MAP2: variants seen among roughly 807,000 people sequenced by gnomAD.
The protein encoded by MAP2 is microtubule associated protein 2.
Under a neutral mutation model 137.6 loss-of-function variants are expected in MAP2, and 14 were observed. The ratio of observed to expected loss-of-function variants is 0.10; its 90% confidence interval spans 0.07 to 0.16. The LOEUF (loss-of-function observed/expected upper bound fraction) is 0.16. Among genes scored for constraint, MAP2 ranks in the 10% least tolerant of loss-of-function variants. MAP2 has a pLI of 1.00. For missense variants in MAP2, 2,088 were observed against 2,191.5 expected (o/e 0.95, Z 0.94); for synonymous variants, 786 against 782.3 (o/e 1.00, Z -0.08).
chr2:209,470,392 T>A (rs1235067141), intron 1 of MAP2, among the ~76,000 whole-genome samples: 1 of 151,906 alleles, frequency 6.6e-6, no homozygotes, highest in African/African-American at 2.4e-5. Flanking sequence ...TATACTGTAA[T>A]TACGCATACA....
At position 209,696,144 on chromosome 2, in the gene MAP2, C is replaced by T; in HGVS notation, c.3974C>T (p.Pro1325Leu). The T allele has an allele frequency of 2.5e-6, 4 of 1,612,964 alleles. No individual in the cohort carries two copies. The East Asian group carries it at 6.7e-5, about 27-fold the overall frequency. ...CCTGAGGTGGAAAGGAGACCATCTC[C>T]TCATGATGAAGAAGAGTTTGAAGTA... ...EQPEVERRPS[P>L]HDEEEFEVEE... is the part of the protein sequence containing the mutation. The change falls in exon 8 of 16, where the codon CCT becomes CTT. Residue 1325 changes from proline to leucine, a missense_variant. Pro to Leu is a moderately conservative substitution (Grantham distance 98). Coordinates refer to ENST00000682079, the MANE Select transcript of MAP2 (RefSeq NM_001375505.1).
chr2:209,546,211 A>G (rs958207690), intron 2 of MAP2, among the ~76,000 whole-genome samples: 5 of 152,218 alleles, frequency 3.3e-5, no homozygotes, highest in Admixed American at 6.5e-5. Context: ...ATGGTCACAT[A>G]TATTTTAAAT....
intron 1 of MAP2, among the ~76,000 whole-genome samples, chr2:209,485,336 T>C (rs571827743): frequency 6.6e-6 from 1 of 152,340 alleles, no homozygotes; most frequent in East Asian, 1.9e-4. Flanking sequence ...CAAGAAGAGT[T>C]AATCAATTCA....
At chr2:209,644,304 T>C (rs1248656534) in intron 4 of MAP2, among the ~76,000 whole-genome samples, 2 of 152,152 alleles carry the variant, frequency 1.3e-5, no homozygotes, top group Admixed American at 1.3e-4. Flanking sequence ...ATCACCCCAT[T>C]TATACAGATT....
chr2:209,496,247 T>C (rs2059741380), intron 1 of MAP2, among the ~76,000 whole-genome samples: 1 of 152,072 alleles, frequency 6.6e-6, no homozygotes, highest in Non-Finnish European at 1.5e-5. Flanking sequence ...AATACAAACA[T>C]AGATTTGCTG....
At chr2:209,522,107 A>G (rs555375584) in intron 2 of MAP2, among the ~76,000 whole-genome samples, 1 of 152,164 alleles carries the variant, frequency 6.6e-6, no homozygotes, top group Non-Finnish European at 1.5e-5. Context: ...AGTCAGCATC[A>G]TTTAAACCAG....
At chr2:209,699,634 G>A (rs2061241399) in intron 10 of MAP2, among the ~76,000 whole-genome samples, 1 of 152,110 alleles carries the variant, frequency 6.6e-6, no homozygotes, top group Non-Finnish European at 1.5e-5. Flanking sequence ...TGTAGAACAT[G>A]TTCTGTATTT....
At chr2:209,656,712 A>G (rs977048403) in intron 5 of MAP2, among the ~76,000 whole-genome samples, 19 of 151,174 alleles carry the variant, frequency 1.3e-4, no homozygotes, top group Non-Finnish European at 2.2e-4. Flanking sequence ...CTAGCCACTT[A>G]GGAAAGCTGT....
At chr2:209,680,682 T>A in intron 6 of MAP2, 68 bp from the exon 7 acceptor site, 1 of 1,354,686 alleles carries the variant, frequency 7.4e-7, no homozygotes, top group Non-Finnish European at 1.1e-6. Context: ...ATGGCAGAAC[T>A]TCCTACACAT....
At position 209,447,693 on chromosome 2, in the gene MAP2, A is replaced by T. The variant is rs532057076; in HGVS notation, c.-222+23417A>T. ...CCCAAGGATCCCTTAGCAGATCATT[A>T]TTCAAGCCAGTGTCAGGTTGTTTCC... On this transcript the variant is annotated intron_variant, in intron 1 of 15. Coordinates refer to ENST00000682079, the MANE Select transcript of MAP2 (RefSeq NM_001375505.1). 4.6e-5 allele frequency among the ~76,000 whole-genome samples: 7 copies of T among 152,194 alleles called. No homozygotes were observed. The East Asian group carries it at 1.4e-3, about 29-fold the overall frequency.
intron 5 of MAP2, 31 bp downstream of exon 5, chr2:209,653,463 T>C (rs377646393): frequency 1.1e-4 from 176 of 1,549,500 alleles, no homozygotes; most frequent in Non-Finnish European, 1.4e-4. Context: ...CACCAAGTGC[T>C]TGCTTTGTGC....
chr2:209,606,201 A>G (rs1004599098), intron 3 of MAP2, among the ~76,000 whole-genome samples: 1 of 151,982 alleles, frequency 6.6e-6, no homozygotes, highest in African/African-American at 2.4e-5. Context: ...ACTTTAATAA[A>G]TTGTTCAGTC....
intron 5 of MAP2, among the ~76,000 whole-genome samples, chr2:209,658,205 G>T (rs1219083899): frequency 6.6e-6 from 1 of 152,024 alleles, no homozygotes; most frequent in Non-Finnish European, 1.5e-5. Context: ...TTTAGAAAAT[G>T]GAAAGTGACC....
intron 4 of MAP2, among the ~76,000 whole-genome samples, chr2:209,643,337 A>G (rs183406031): frequency 2.6e-5 from 4 of 152,342 alleles, no homozygotes; most frequent in Middle Eastern, 3.4e-3. Flanking sequence ...TAATCCAAAG[A>G]AAACCAGTGA....
At chr2:209,626,664 A>G (rs2092365849) in intron 4 of MAP2, among the ~76,000 whole-genome samples, 1 of 152,210 alleles carries the variant, frequency 6.6e-6, no homozygotes, top group African/African-American at 2.4e-5. Context: ...AATTATTAAC[A>G]TTTTAAAAGT....
At chr2:209,641,804 TA>T (rs759786837) in intron 4 of MAP2, among the ~76,000 whole-genome samples, 1 of 152,032 alleles carries the variant, frequency 6.6e-6, no homozygotes, top group Admixed American at 6.6e-5. Flanking sequence ...TCTGATATAA[TA>T]AAAAATAGGC....
chr2:209,650,225 A>T (rs116041443), intron 4 of MAP2, among the ~76,000 whole-genome samples: 45 of 152,324 alleles, frequency 3.0e-4, no homozygotes, highest in African/African-American at 1.0e-3. Context: ...TAAAGTACAA[A>T]CCTAAATATT....
At chr2:209,536,084 A>G (rs1167391516) in intron 2 of MAP2, among the ~76,000 whole-genome samples, 3 of 152,212 alleles carry the variant, frequency 2.0e-5, no homozygotes, top group Non-Finnish European at 4.4e-5. Flanking sequence ...TATTTTAACT[A>G]TTATGCTTTT....
chr2:209,428,593 T>C (rs1326515943), intron 1 of MAP2, among the ~76,000 whole-genome samples: 3 of 152,048 alleles, frequency 2.0e-5, no homozygotes, highest in African/African-American at 4.8e-5. Flanking sequence ...CCTGATATTC[T>C]TATTGAAATT....
Sources: gnomAD v4.1 joint callset for allele counts (sites outside exome capture counted in the v4.1 genomes callset) on GRCh38, gnomAD v4.1.1 for gene constraint, MANE v1.5 for transcripts, NCBI Gene and HGNC (gene_info 2026-07-23, HGNC 2026-07-21) for gene names.